The following TANC1 variants were observed in gnomAD, a reference collection of about 807,000 sequenced individuals.
TANC1 encodes the protein tetratricopeptide repeat, ankyrin repeat and coiled-coil containing 1, also known as protein TANC1.
A neutral mutation model predicts 149.7 loss-of-function variants in TANC1; 77 were observed. The observed-to-expected ratio is 0.51, with a 90% CI of 0.43 to 0.62. TANC1 has a LOEUF of 0.62. TANC1 is among the 20% of genes least tolerant of loss of function. The pLI is 0.00. For synonymous variants in TANC1, 854 were observed against 925.0 expected (o/e 0.92, Z 1.39); for missense variants, 1,985 against 2,321.8 (o/e 0.85, Z 2.98).
chr2:159,111,074 A>G (rs911850637), intron 4 of TANC1, among the ~76,000 whole-genome samples: 6 of 152,258 alleles, frequency 3.9e-5, no homozygotes, highest in Non-Finnish European at 8.8e-5. Flanking sequence ...ACAGGAAGCC[A>G]GCTCTTAGAA....
chr2:159,131,517 G>A (rs189246504), intron 4 of TANC1, among the ~76,000 whole-genome samples: 977 of 51,490 alleles, frequency 0.019, 4 homozygotes, highest in African/African-American at 0.064. Flanking sequence ...CCCTCCCCCC[G>A]CCCCTTCCCC....
At chr2:159,169,644 G>T (rs752084712) in intron 9 of TANC1, among the ~76,000 whole-genome samples, 1 of 151,982 alleles carries the variant, frequency 6.6e-6, no homozygotes, top group Non-Finnish European at 1.5e-5. Context: ...TGAAGTGAGG[G>T]GTAGTTTAAC....
At chr2:159,176,824 T>C (rs1348002157) in intron 13 of TANC1, among the ~76,000 whole-genome samples, 1 of 152,038 alleles carries the variant, frequency 6.6e-6, no homozygotes, top group Non-Finnish European at 1.5e-5. Context: ...TGCCAGAGTT[T>C]AAAGCTACTC....
intron 2 of TANC1, among the ~76,000 whole-genome samples, chr2:159,020,147 T>C (rs962625201): frequency 1.3e-5 from 2 of 152,202 alleles, no homozygotes; most frequent in African/African-American, 4.8e-5. Context: ...AGATGGAGTC[T>C]CGTTCTATCG....
intron 14 of TANC1, among the ~76,000 whole-genome samples, chr2:159,179,811 C>T (rs2056288804): frequency 6.6e-6 from 1 of 152,188 alleles, no homozygotes; most frequent in Non-Finnish European, 1.5e-5. Flanking sequence ...GGAAGCCTGT[C>T]TGCTGTGTGG....
chr2:159,100,624 G>C (rs746995812), intron 4 of TANC1, among the ~76,000 whole-genome samples: 1 of 152,114 alleles, frequency 6.6e-6, no homozygotes, highest in Non-Finnish European at 1.5e-5. Context: ...CATCTCTAAC[G>C]GAGCAGTGCT....
intron 14 of TANC1, among the ~76,000 whole-genome samples, chr2:159,183,504 C>T (rs143058772): frequency 1.4e-4 from 22 of 152,080 alleles, no homozygotes; most frequent in Non-Finnish European, 2.4e-4. Context: ...AGGGACCTTA[C>T]GGATGTAAGT....
intron 1 of TANC1, among the ~76,000 whole-genome samples, chr2:158,982,314 T>C (rs2034473201): frequency 6.6e-6 from 1 of 152,230 alleles, no homozygotes; most frequent in African/African-American, 2.4e-5. Context: ...ACATATACAC[T>C]CCTTTTTTCT....
At chr2:158,978,790 A>T (rs2033980960) in intron 1 of TANC1, among the ~76,000 whole-genome samples, 3 of 152,216 alleles carry the variant, frequency 2.0e-5, no homozygotes, top group Non-Finnish European at 4.4e-5. Context: ...TAGGCTTTCA[A>T]GTTGAGCTAT....
chr2:159,106,837 CTTT>C lies in TANC1; in HGVS notation c.259+9007_259+9009del, dbSNP rs573435828. ...ATATCCTTGCCAATGCTTGTATTGTCTTTTTTATTATAGCCATTCTAGAGAATG... is the reference window on the plus strand; with the variant it reads ...ATATCCTTGCCAATGCTTGTATTGTCTTTATTATAGCCATTCTAGAGAATG... On this transcript the variant is annotated intron_variant, in intron 4 of 26. Coordinates refer to ENST00000263635, the MANE Select transcript of TANC1 (RefSeq NM_033394.3). 3.5e-3 allele frequency among the ~76,000 whole-genome samples: 531 copies of C among 152,270 alleles called. 3 individuals carry two copies. The highest frequency in any genetic ancestry group is 0.012 in the African/African-American group (507 of 41,566).
chr2:159,054,057 T>A (rs917393638), intron 2 of TANC1, among the ~76,000 whole-genome samples: 1 of 152,144 alleles, frequency 6.6e-6, no homozygotes, highest in African/African-American at 2.4e-5. Context: ...GCCGTGTGTA[T>A]GTTTGGCCAA....
intron 6 of TANC1, 80 bp from the exon 7 acceptor site, chr2:159,150,290 T>A: frequency 8.4e-7 from 1 of 1,194,200 alleles, no homozygotes; most frequent in Non-Finnish European, 1.2e-6. Context: ...TTAGTTTTAT[T>A]GTTTTAGCAC....
chr2:159,152,816 T>C (rs1194983552), intron 7 of TANC1, among the ~76,000 whole-genome samples: 1 of 152,208 alleles, frequency 6.6e-6, no homozygotes, highest in African/African-American at 2.4e-5. Context: ...CACCCATTCG[T>C]TTATTTCTCT....
intron 5 of TANC1, among the ~76,000 whole-genome samples, chr2:159,145,335 C>A (rs1338009898): frequency 1.3e-5 from 2 of 152,182 alleles, no homozygotes; most frequent in South Asian, 2.1e-4. Flanking sequence ...AGTGCGGGCT[C>A]TTGGTGTTAA....
At chr2:159,172,569 C>T (rs889150069) in intron 11 of TANC1, among the ~76,000 whole-genome samples, 3 of 152,226 alleles carry the variant, frequency 2.0e-5, no homozygotes, top group Admixed American at 6.5e-5. Context: ...TGCATGTGCT[C>T]TTCCTAATTT....
At chr2:159,164,364 A>G (rs1325391841) in intron 8 of TANC1, among the ~76,000 whole-genome samples, 1 of 152,250 alleles carries the variant, frequency 6.6e-6, no homozygotes, top group Non-Finnish European at 1.5e-5. Context: ...TAAAATATAT[A>G]GGAGGATGTT....
At chr2:159,009,170 A>G (rs915714343) in intron 2 of TANC1, among the ~76,000 whole-genome samples, 1 of 152,100 alleles carries the variant, frequency 6.6e-6, no homozygotes, top group Admixed American at 6.5e-5. Context: ...ATGTGAGCCC[A>G]TAAAAAAATA....
chr2:159,098,130 A>G (rs904451443), intron 4 of TANC1, among the ~76,000 whole-genome samples: 2 of 152,222 alleles, frequency 1.3e-5, no homozygotes, highest in African/African-American at 4.8e-5. Context: ...GGAGCACTAT[A>G]CAGTTATGGC....
chr2:159,154,519 C>G (rs894260921), intron 7 of TANC1, among the ~76,000 whole-genome samples: 3 of 152,166 alleles, frequency 2.0e-5, no homozygotes, highest in African/African-American at 4.8e-5. Context: ...CTGGGCCCCT[C>G]CAGTCTTCCT....
Sources: gnomAD v4.1 joint callset for allele counts (sites outside exome capture counted in the v4.1 genomes callset) on GRCh38, gnomAD v4.1.1 for gene constraint, MANE v1.5 for transcripts, NCBI Gene and HGNC (gene_info 2026-07-23, HGNC 2026-07-21) for gene names.